The following ETFA variants were observed in gnomAD, a reference collection of about 807,000 sequenced individuals.
The protein encoded by ETFA is electron transfer flavoprotein subunit alpha, also known as electron transfer flavoprotein subunit alpha, mitochondrial.
ETFA carries 22 observed loss-of-function variants against 46.2 expected under a neutral mutation model. The observed-to-expected ratio is 0.48, with a 90% confidence interval of 0.34 to 0.68. The LOEUF (loss-of-function observed/expected upper bound fraction) is 0.68. Ranked by LOEUF, ETFA falls within the 30% of genes least tolerant of loss-of-function variation. ETFA has a pLI of 0.01. For synonymous variants in ETFA, 131 were observed against 139.9 expected, an observed-to-expected ratio of 0.94 and a Z score of 0.45; for missense variants, 345 against 401.1, an observed-to-expected ratio of 0.86 and a Z score of 1.19.
chr15:76,256,254 G>A lies in ETFA; in HGVS notation c.816+18158C>T, dbSNP rs369824807. Among the ~76,000 whole-genome samples, 446 of 124,482 alleles carry A rather than the reference G, an allele frequency of 3.6e-3. 2 individuals are homozygous for A. The highest frequency in any genetic ancestry group is 0.012 in the African/African-American group (382 of 30,632). The allele number at this position is 124,482 out of a possible 152,430, so 81.7% of individuals were successfully genotyped here. Reference sequence around the variant, plus strand: ...GCCTGGGCAATAAGAGTGAGACTCCGTCTCAAGGAAAAAAAAAAAAAAAAA... The same window carrying A: ...GCCTGGGCAATAAGAGTGAGACTCCATCTCAAGGAAAAAAAAAAAAAAAAA... On this transcript the variant is annotated intron_variant, in intron 9 of 11. Transcript: ENST00000557943.
At chr15:76,287,648 T>C (rs2039715616) in intron 5 of ETFA, 198 bp downstream of exon 5, 1 of 520,640 alleles carries the variant, frequency 1.9e-6, no homozygotes. Flanking sequence ...GCAGGAAATC[T>C]CTGTGTTTGC....
chr15:76,298,465 T>C (rs2039848815), intron 1 of ETFA, among the ~76,000 whole-genome samples: 1 of 152,170 alleles, frequency 6.6e-6, no homozygotes, highest in Admixed American at 6.5e-5. Context: ...CTACCCAACT[T>C]TGCTTTAACC....
intron 9 of ETFA, chr15:76,258,961 T>A: frequency 6.5e-7 from 1 of 1,533,624 alleles, no homozygotes; most frequent in Non-Finnish European, 9.0e-7. Context: ...CCAGCCAAAT[T>A]GCCCTGATGC....
chr15:76,229,246 C>T (rs1379259405), intron 10 of ETFA: 1 of 152,186 alleles, frequency 6.6e-6, no homozygotes, highest in African/African-American at 2.4e-5. Flanking sequence ...GCTATGACAA[C>T]ACAGGACGAC....
At chr15:76,220,016 A>G (rs72736862) in intron 11 of ETFA, among the ~76,000 whole-genome samples, 10,649 of 152,296 alleles carry the variant, frequency 0.07, 439 homozygotes, top group Middle Eastern at 0.12. Flanking sequence ...GGGCTTGAGC[A>G]GATACTTGTA....
chr15:76,236,771 A>G (rs1197904983), intron 9 of ETFA, among the ~76,000 whole-genome samples: 1 of 152,232 alleles, frequency 6.6e-6, no homozygotes, highest in East Asian at 1.9e-4. Flanking sequence ...TAGGAAAACC[A>G]AAAGCAGATG....
chr15:76,289,069 G>A (rs761636482), intron 4 of ETFA, among the ~76,000 whole-genome samples: 9 of 151,896 alleles, frequency 5.9e-5, no homozygotes, highest in East Asian at 3.9e-4. Context: ...ACAGGCGCAC[G>A]CTACTGCGTC....
intron 9 of ETFA, among the ~76,000 whole-genome samples, chr15:76,269,927 A>G (rs1048484933): frequency 3.3e-5 from 5 of 152,254 alleles, no homozygotes; most frequent in African/African-American, 1.2e-4. Flanking sequence ...TCAACTAAAA[A>G]AGGGCAAAAG....
chr15:76,243,798 C>T (rs1282596606), intron 9 of ETFA, among the ~76,000 whole-genome samples: 1 of 127,766 alleles, frequency 7.8e-6, no homozygotes, highest in African/African-American at 2.7e-5. Flanking sequence ...GACTCTGTCT[C>T]AAAAAAACAA....
At chr15:76,283,123 C>CA (rs201362503) in intron 8 of ETFA, among the ~76,000 whole-genome samples, 5 of 151,512 alleles carry the variant, frequency 3.3e-5, no homozygotes, top group Admixed American at 6.6e-5. Flanking sequence ...TTAAGACCAC[C>CA]AAAAAAAAGA....
intron 1 of ETFA, 100 bp from the exon 2 acceptor site, chr15:76,295,837 C>G: frequency 1.3e-6 from 1 of 753,490 alleles, no homozygotes; most frequent in Non-Finnish European, 2.1e-6. Flanking sequence ...TTAAAGAAAA[C>G]TATTCTGTAC....
At chr15:76,252,944 G>A (rs2039314239) in intron 9 of ETFA, among the ~76,000 whole-genome samples, 1 of 141,564 alleles carries the variant, frequency 7.1e-6, no homozygotes, top group African/African-American at 2.6e-5. Context: ...GCTGCATTAT[G>A]CAAGCTGGAG....
At chr15:76,225,000 T>G (rs1163745554) in intron 11 of ETFA, among the ~76,000 whole-genome samples, 4 of 151,986 alleles carry the variant, frequency 2.6e-5, no homozygotes, top group Admixed American at 2.6e-4. Context: ...GTGAAGAGTG[T>G]GAGGAGTGAG....
chr15:76,272,512 G>A (rs561686064), intron 9 of ETFA, among the ~76,000 whole-genome samples: 6 of 152,084 alleles, frequency 3.9e-5, no homozygotes, highest in Admixed American at 2.6e-4. Flanking sequence ...GAGCCACTGC[G>A]CCCAGCCTGA....
intron 4 of ETFA, among the ~76,000 whole-genome samples, chr15:76,289,581 T>C (rs2039738263): frequency 6.6e-6 from 1 of 152,174 alleles, no homozygotes; most frequent in African/African-American, 2.4e-5. Flanking sequence ...CAGATATCTA[T>C]CCTATTAAAA....
At chr15:76,277,382 C>G (rs539767663) in intron 8 of ETFA, among the ~76,000 whole-genome samples, 2 of 152,082 alleles carry the variant, frequency 1.3e-5, no homozygotes, top group South Asian at 2.1e-4. Flanking sequence ...GTCCCCTTGT[C>G]GGAAGCATGA....
intron 9 of ETFA, among the ~76,000 whole-genome samples, chr15:76,245,521 T>C (rs1274492676): frequency 2.0e-5 from 3 of 152,184 alleles, no homozygotes; most frequent in Admixed American, 6.5e-5. Flanking sequence ...TTTTCAACAA[T>C]AGTGAATTTT....
intron 9 of ETFA, among the ~76,000 whole-genome samples, chr15:76,254,182 A>G (rs1007266990): frequency 2.0e-5 from 3 of 152,250 alleles, no homozygotes; most frequent in African/African-American, 7.2e-5. Flanking sequence ...TTGGTTGAGG[A>G]AACACACAAA....
chr15:76,262,306 T>C (rs931273216), intron 9 of ETFA, among the ~76,000 whole-genome samples: 1 of 150,658 alleles, frequency 6.6e-6, no homozygotes, highest in African/African-American at 2.5e-5. Context: ...CATGTGTAAC[T>C]AGAGTCCCAG....
Sources: gnomAD v4.1 joint callset for allele counts (sites outside exome capture counted in the v4.1 genomes callset) on GRCh38, gnomAD v4.1.1 for gene constraint, MANE v1.5 for transcripts, NCBI Gene and HGNC (gene_info 2026-07-23, HGNC 2026-07-21) for gene names.